Variants in WWOX observed in about 807,000 individuals in gnomAD.
The protein encoded by WWOX is WW domain-containing oxidoreductase.
In WWOX, 69 loss-of-function variants were observed where a neutral mutation model predicts 46.2. The ratio of observed to expected loss-of-function variants is 1.49; its 90% CI spans 1.23 to 1.82. The LOEUF (loss-of-function observed/expected upper bound fraction) is 1.82, where lower values mean the gene tolerates loss of function less well. Ranked by LOEUF, WWOX falls within the 40% of genes most tolerant of loss-of-function variation. The probability of loss-of-function intolerance (pLI) is 0.00; values close to 1 mark genes in which losing one functional copy is unlikely to be tolerated. For missense variants in WWOX, 919 were observed against 542.6 expected, an observed-to-expected ratio of 1.69 and a Z score of -6.89; for synonymous variants, 359 against 202.6, an observed-to-expected ratio of 1.77 and a Z score of -6.56.
At chr16:78,246,593 C>T (rs1357990021) in intron 5 of WWOX, among the ~76,000 whole-genome samples, 1 of 152,196 alleles carries the variant, frequency 6.6e-6, no homozygotes, top group Admixed American at 6.5e-5. Flanking sequence ...AACCATCTTC[C>T]ATCAAGTTGG....
intron 8 of WWOX, among the ~76,000 whole-genome samples, chr16:78,828,810 G>T (rs553391179): frequency 4.6e-5 from 7 of 152,132 alleles, no homozygotes; most frequent in Non-Finnish European, 1.0e-4. Flanking sequence ...AGCTGGATTG[G>T]AAACTATGTA....
At chr16:78,364,528 C>G (rs2081488180) in intron 5 of WWOX, among the ~76,000 whole-genome samples, 1 of 144,826 alleles carries the variant, frequency 6.9e-6, no homozygotes, top group African/African-American at 2.6e-5. Context: ...CTCCCTGCAA[C>G]AAATAAATCT....
intron 8 of WWOX, among the ~76,000 whole-genome samples, chr16:78,536,098 C>T (rs1425840452): frequency 6.6e-6 from 1 of 152,138 alleles, no homozygotes; most frequent in African/African-American, 2.4e-5. Context: ...GCCTTGTATA[C>T]AGTAAGCATT....
intron 8 of WWOX, among the ~76,000 whole-genome samples, chr16:78,671,152 G>A (rs2142203134): frequency 6.6e-6 from 1 of 152,352 alleles, no homozygotes; most frequent in African/African-American, 2.4e-5. Flanking sequence ...GCCAGGTACA[G>A]TGGCTCATGC....
intron 8 of WWOX, among the ~76,000 whole-genome samples, chr16:78,644,293 T>C (rs2046790225): frequency 6.6e-6 from 1 of 152,072 alleles, no homozygotes; most frequent in South Asian, 2.1e-4. Context: ...AAGCATCTGA[T>C]CAGACAGGTA....
chr16:78,989,538 G>T (rs1315962573), intron 8 of WWOX, among the ~76,000 whole-genome samples: 2 of 152,144 alleles, frequency 1.3e-5, no homozygotes, highest in East Asian at 1.9e-4. Flanking sequence ...GTGGACTCCT[G>T]TGTGGTTCAG....
chr16:78,234,765 C>T (rs1185941965), intron 5 of WWOX, among the ~76,000 whole-genome samples: 1 of 145,038 alleles, frequency 6.9e-6, no homozygotes, highest in Non-Finnish European at 1.5e-5. Context: ...AATAGAGGTA[C>T]AATGATAAAA....
At chr16:78,527,565 A>C (rs1482601324) in intron 8 of WWOX, among the ~76,000 whole-genome samples, 1 of 152,146 alleles carries the variant, frequency 6.6e-6, no homozygotes, top group Non-Finnish European at 1.5e-5. Flanking sequence ...AAGTGCTGGG[A>C]TTACAGGCAT....
chr16:78,958,731 A>C (rs914779693), intron 8 of WWOX, among the ~76,000 whole-genome samples: 1 of 152,228 alleles, frequency 6.6e-6, no homozygotes, highest in African/African-American at 2.4e-5. Flanking sequence ...CCAGGATGCA[A>C]TTAGTTTGAT....
intron 8 of WWOX, among the ~76,000 whole-genome samples, chr16:78,804,989 T>G (rs1254320522): frequency 2.6e-5 from 4 of 152,232 alleles, no homozygotes; most frequent in East Asian, 1.9e-4. Flanking sequence ...TTGGGAAGTT[T>G]CCATTTGTAT....
chr16:79,190,365 G>A (rs370665738), intron 8 of WWOX, among the ~76,000 whole-genome samples: 19 of 152,152 alleles, frequency 1.2e-4, no homozygotes, highest in South Asian at 8.3e-4. Context: ...GGGAATTAGC[G>A]TGTAGCTATT....
chr16:78,876,456 A>C (rs2044235880), intron 8 of WWOX, among the ~76,000 whole-genome samples: 1 of 147,936 alleles, frequency 6.8e-6, no homozygotes, highest in African/African-American at 2.5e-5. Context: ...ATAGATTGTG[A>C]ATGCTTGACT....
At chr16:79,036,202 A>G (rs1356930186) in intron 8 of WWOX, among the ~76,000 whole-genome samples, 3 of 152,188 alleles carry the variant, frequency 2.0e-5, no homozygotes, top group Non-Finnish European at 4.4e-5. Context: ...TAGCGTCTCA[A>G]ACAGTATACC....
At chr16:79,117,203 A>G (rs566998213) in intron 8 of WWOX, among the ~76,000 whole-genome samples, 2 of 152,084 alleles carry the variant, frequency 1.3e-5, no homozygotes, top group African/African-American at 4.8e-5. Context: ...TAGAGACACA[A>G]TTTCACCGTG....
intron 8 of WWOX, among the ~76,000 whole-genome samples, chr16:78,549,429 TC>T (rs2044124369): frequency 6.6e-6 from 1 of 152,126 alleles, no homozygotes; most frequent in Non-Finnish European, 1.5e-5. Flanking sequence ...GTAATGTAAT[TC>T]CCCCCTTTAA....
chr16:78,656,635 C>G (rs1002251245), intron 8 of WWOX, among the ~76,000 whole-genome samples: 3 of 152,098 alleles, frequency 2.0e-5, no homozygotes, highest in Admixed American at 2.0e-4. Flanking sequence ...CCAACCACCT[C>G]CCACCGGGCC....
intron 7 of WWOX, among the ~76,000 whole-genome samples, chr16:78,425,865 C>T (rs956599451): frequency 1.3e-5 from 2 of 152,062 alleles, no homozygotes; most frequent in Non-Finnish European, 2.9e-5. Flanking sequence ...TGCAAGGGGC[C>T]TATTTTTTCC....
At chr16:78,430,434 T>A (rs2083188551) in intron 7 of WWOX, among the ~76,000 whole-genome samples, 2 of 152,150 alleles carry the variant, frequency 1.3e-5, no homozygotes, top group South Asian at 2.1e-4. Context: ...ACCTGGAAAT[T>A]CAGTGGATGT....
intron 8 of WWOX, among the ~76,000 whole-genome samples, chr16:78,934,075 C>T (rs541031378): frequency 6.6e-6 from 1 of 152,032 alleles, no homozygotes; most frequent in Non-Finnish European, 1.5e-5. Flanking sequence ...GTGGCTCATG[C>T]TGGTAATCCC....
Sources: gnomAD v4.1 joint callset for allele counts (sites outside exome capture counted in the v4.1 genomes callset) on GRCh38, gnomAD v4.1.1 for gene constraint, MANE v1.5 for transcripts, NCBI Gene and HGNC (gene_info 2026-07-23, HGNC 2026-07-21) for gene names.